Variants in GALNTL6 observed in about 807,000 individuals in gnomAD.
GALNTL6 encodes polypeptide N-acetylgalactosaminyltransferase-like 6.
In GALNTL6, 46 loss-of-function variants were observed where a neutral mutation model predicts 73.7. The ratio of observed to expected loss-of-function variants is 0.62; its 90% confidence interval spans 0.49 to 0.80. The LOEUF (loss-of-function observed/expected upper bound fraction) is 0.80, where lower values mean the gene tolerates loss of function less well. Ranked by LOEUF, GALNTL6 falls within the 30% of genes least tolerant of loss-of-function variation. The probability of loss-of-function intolerance (pLI) is 0.00; values close to 1 mark genes in which losing one functional copy is unlikely to be tolerated. For missense variants in GALNTL6, 604 were observed against 755.0 expected, an observed-to-expected ratio of 0.80 and a Z score of 2.34; for synonymous variants, 259 against 263.7, an observed-to-expected ratio of 0.98 and a Z score of 0.17.
At chr4:172,047,645 T>C (rs1742260229) in intron 2 of GALNTL6, among the ~76,000 whole-genome samples, 1 of 152,160 alleles carries the variant, frequency 6.6e-6, no homozygotes, top group Non-Finnish European at 1.5e-5. Flanking sequence ...TCAATATCAT[T>C]ATTAACTAGT....
intron 3 of GALNTL6, among the ~76,000 whole-genome samples, chr4:172,285,181 G>A (rs1253660417): frequency 6.6e-6 from 1 of 152,076 alleles, no homozygotes; most frequent in Admixed American, 6.6e-5. Flanking sequence ...CCTTGCATTT[G>A]TTGAAGGGAT....
intron 3 of GALNTL6, among the ~76,000 whole-genome samples, chr4:172,280,676 G>A (rs1053832849): frequency 1.3e-4 from 19 of 151,872 alleles, no homozygotes; most frequent in Non-Finnish European, 2.5e-4. Context: ...AATATCTGTC[G>A]ATTAAAGTAA....
intron 2 of GALNTL6, among the ~76,000 whole-genome samples, chr4:172,195,541 C>T (rs1008296739): frequency 1.1e-4 from 16 of 152,102 alleles, no homozygotes; most frequent in African/African-American, 3.4e-4. Flanking sequence ...GGAAGTAAAA[C>T]ACTCCTCCTT....
intron 2 of GALNTL6, among the ~76,000 whole-genome samples, chr4:171,924,346 C>CT (rs1197218856): frequency 6.6e-6 from 1 of 151,878 alleles, no homozygotes; most frequent in Non-Finnish European, 1.5e-5. Flanking sequence ...GAGAGATTTG[C>CT]TAAAAAAGTG....
chr4:172,322,134 G>A (rs1467150523), intron 4 of GALNTL6, among the ~76,000 whole-genome samples: 2 of 152,148 alleles, frequency 1.3e-5, no homozygotes, highest in Admixed American at 1.3e-4. Context: ...GAGAAGTAAT[G>A]CAAGACCCTA....
intron 2 of GALNTL6, among the ~76,000 whole-genome samples, chr4:171,826,907 C>T (rs571975604): frequency 8.5e-5 from 13 of 152,134 alleles, no homozygotes; most frequent in Non-Finnish European, 1.5e-4. Flanking sequence ...ACACCCATAC[C>T]ACGTACATTT....
intron 2 of GALNTL6, among the ~76,000 whole-genome samples, chr4:172,074,796 C>T (rs761399732): frequency 6.6e-6 from 1 of 152,036 alleles, no homozygotes; most frequent in Non-Finnish European, 1.5e-5. Flanking sequence ...ATGCACCAAA[C>T]GAGAAGCTAT....
intron 2 of GALNTL6, among the ~76,000 whole-genome samples, chr4:172,077,722 G>A (rs1731743458): frequency 6.6e-6 from 1 of 152,142 alleles, no homozygotes; most frequent in Non-Finnish European, 1.5e-5. Flanking sequence ...ATTTTCTAGG[G>A]AGAAATTCAA....
intron 7 of GALNTL6, among the ~76,000 whole-genome samples, chr4:172,876,069 T>C (rs930403573): frequency 6.6e-6 from 1 of 152,224 alleles, no homozygotes; most frequent in Non-Finnish European, 1.5e-5. Flanking sequence ...GGCTATAGTT[T>C]GGTTTAATGC....
At chr4:172,954,089 T>C (rs189704918) in intron 10 of GALNTL6, among the ~76,000 whole-genome samples, 1 of 152,342 alleles carries the variant, frequency 6.6e-6, no homozygotes, top group East Asian at 1.9e-4. Context: ...CACAGTATCA[T>C]TGTGTGATTC....
chr4:172,304,953 T>C (rs1277009990), intron 3 of GALNTL6, among the ~76,000 whole-genome samples: 2 of 152,222 alleles, frequency 1.3e-5, no homozygotes, highest in African/African-American at 4.8e-5. Context: ...TTCCACAATT[T>C]TGAAACTCTT....
At chr4:172,529,516 AT>A (rs964748823) in intron 5 of GALNTL6, among the ~76,000 whole-genome samples, 2 of 151,996 alleles carry the variant, frequency 1.3e-5, no homozygotes, top group African/African-American at 4.8e-5. Context: ...TTTTGATAGC[AT>A]TTTTTTCCTG....
At chr4:172,747,262 A>G (rs1737163569) in intron 5 of GALNTL6, among the ~76,000 whole-genome samples, 2 of 152,110 alleles carry the variant, frequency 1.3e-5, no homozygotes, top group African/African-American at 4.8e-5. Flanking sequence ...TGCAAATCAT[A>G]TATTGGATAA....
chr4:172,811,527 A>ACAT (rs1294357543), intron 6 of GALNTL6, among the ~76,000 whole-genome samples: 1 of 152,222 alleles, frequency 6.6e-6, no homozygotes, highest in African/African-American at 2.4e-5. Flanking sequence ...TCTGTCAAAG[A>ACAT]CATCTCTGGG....
chr4:171,908,244 C>T (rs1449114635), intron 2 of GALNTL6, among the ~76,000 whole-genome samples: 1 of 152,132 alleles, frequency 6.6e-6, no homozygotes, highest in East Asian at 1.9e-4. Context: ...ACAAACTACT[C>T]ATCTGACAAA....
At chr4:172,816,086 T>C (rs1338363694) in intron 7 of GALNTL6, among the ~76,000 whole-genome samples, 2 of 152,212 alleles carry the variant, frequency 1.3e-5, no homozygotes, top group Non-Finnish European at 2.9e-5. Context: ...ACGAAGGCAG[T>C]CTATCTATAC....
chr4:171,849,495 T>C (rs1161803355), intron 2 of GALNTL6, among the ~76,000 whole-genome samples: 1 of 152,206 alleles, frequency 6.6e-6, no homozygotes, highest in Non-Finnish European at 1.5e-5. Context: ...AGCATTTCAA[T>C]TTCACTTTCA....
chr4:171,934,008 C>A (rs1222592587), intron 2 of GALNTL6, among the ~76,000 whole-genome samples: 2 of 152,130 alleles, frequency 1.3e-5, no homozygotes, highest in Non-Finnish European at 2.9e-5. Context: ...CATTCCTGGA[C>A]TACAGGTTAA....
chr4:172,219,199 G>GTATATATA lies in GALNTL6; in HGVS notation c.139-10440_139-10433dup, dbSNP rs34783084. 6.4e-3 allele frequency among the ~76,000 whole-genome samples: 747 copies of GTATATATA among 116,194 alleles called. 15 individuals carry two copies. Among genetic ancestry groups the GTATATATA allele is most frequent in the African/African-American group, 0.013 (399 of 29,900 alleles). The allele number at this position is 116,194 out of a possible 152,430, so 76.2% of individuals were successfully genotyped here. The stretch of plus-strand genomic sequence containing the variant: ...ATATAATATGTCAGATTAAGCAAGT[G>GTATATATA]TATATATATATATATATATATATAA... On this transcript the variant is annotated intron_variant, in intron 2 of 12. Coordinates refer to ENST00000506823, the MANE Select transcript of GALNTL6 (RefSeq NM_001034845.3).
Sources: gnomAD v4.1 joint callset for allele counts (sites outside exome capture counted in the v4.1 genomes callset) on GRCh38, gnomAD v4.1.1 for gene constraint, MANE v1.5 for transcripts, NCBI Gene and HGNC (gene_info 2026-07-23, HGNC 2026-07-21) for gene names.